The following ACTA2 variants were observed in gnomAD, a reference collection of about 807,000 sequenced individuals.
The protein encoded by ACTA2 is actin alpha 2, smooth muscle.
A neutral mutation model predicts 39.5 loss-of-function variants in ACTA2; 12 were observed. That is an observed-to-expected ratio of 0.30 (90% CI 0.19 to 0.49). The LOEUF (loss-of-function observed/expected upper bound fraction) is 0.49, where lower values mean the gene tolerates loss of function less well. ACTA2 is among the 20% of genes least tolerant of loss of function. ACTA2 has a pLI of 0.99. For synonymous variants in ACTA2, 158 were observed against 180.6 expected, an observed-to-expected ratio of 0.88 and a Z score of 1.00; for missense variants, 236 against 498.8, an observed-to-expected ratio of 0.47 and a Z score of 5.02.
At chr10:88,948,734 G>A in intron 2 of ACTA2, 68 bp downstream of exon 2, 1 of 1,601,168 alleles carries the variant, frequency 6.2e-7, no homozygotes, top group Non-Finnish European at 8.6e-7. Flanking sequence ...TAGACAATCT[G>A]GGGATAAACA....
At chr10:88,965,871 C>T (rs1846310049) in intron 1 of ACTA2, among the ~76,000 whole-genome samples, 1 of 152,090 alleles carries the variant, frequency 6.6e-6, no homozygotes, top group African/African-American at 2.4e-5. Context: ...TTGAGAGAGC[C>T]CTGCCAAAAA....
chr10:88,944,573 C>T (rs1845912578), intron 3 of ACTA2, among the ~76,000 whole-genome samples: 1 of 152,168 alleles, frequency 6.6e-6, no homozygotes, highest in African/African-American at 2.4e-5. Flanking sequence ...AAGAAGAGAA[C>T]AGGGCTCTCT....
At chr10:88,954,874 C>A (rs560419029), upstream of ACTA2, among the ~76,000 whole-genome samples, 10 of 152,132 alleles carry the variant, frequency 6.6e-5, no homozygotes, top group East Asian at 5.8e-4. Flanking sequence ...CCATCCAAGT[C>A]TCTTCAGTGA....
At chr10:88,962,012 C>A (rs1415779535) in intron 1 of ACTA2, among the ~76,000 whole-genome samples, 1 of 152,114 alleles carries the variant, frequency 6.6e-6, no homozygotes, top group African/African-American at 2.4e-5. Flanking sequence ...ATTCCAAAAT[C>A]TAAGACAAGT....
intron 1 of ACTA2, among the ~76,000 whole-genome samples, chr10:88,959,679 C>T (rs1846196208): frequency 6.6e-6 from 1 of 152,188 alleles, no homozygotes; most frequent in African/African-American, 2.4e-5. Flanking sequence ...GATATTTATA[C>T]ATTTTTAAGG....
At chr10:88,935,821 T>G (rs138005969) in intron 8 of ACTA2, among the ~76,000 whole-genome samples, 3 of 152,326 alleles carry the variant, frequency 2.0e-5, no homozygotes, top group Middle Eastern at 3.4e-3. Flanking sequence ...TGAAGTGAAC[T>G]ACCACTTTTC....
upstream of ACTA2, among the ~76,000 whole-genome samples, chr10:88,957,079 C>A (rs1846149386): frequency 1.3e-5 from 2 of 152,156 alleles, no homozygotes. Context: ...ATATTAAGAT[C>A]GTAGCAGACA....
At position 88,975,154 on chromosome 10, in the gene ACTA2, A is replaced by G. The variant is rs1589419584; in HGVS notation, c.-24+15785T>C. The G allele has an allele frequency of 1.2e-4, 5 of 43,012 alleles. No homozygotes were observed. In the East Asian group the frequency reaches 1.2e-3, roughly 10 times the overall value. The allele number at this position is 43,012 out of a possible 1,614,324, so 2.7% of individuals were successfully genotyped here. A position where few individuals can be genotyped will look rare whatever the true frequency, so the allele number is the denominator to read the frequency against. On this transcript the variant is annotated intron_variant, in intron 1 of 4. Transcript: ENST00000415557. ...TGAAACCAGAATGCTGTCAACGATT[A>G]AAAAAAAAAAAAACTCTCAAGCAAG...
chr10:88,942,061 C>A (rs1021154735), intron 4 of ACTA2, among the ~76,000 whole-genome samples, 192 bp from the exon 5 acceptor site: 4 of 152,134 alleles, frequency 2.6e-5, no homozygotes, highest in Admixed American at 1.3e-4. Context: ...GGAGCCATCA[C>A]ATCAATGGCC....
intron 1 of ACTA2, among the ~76,000 whole-genome samples, chr10:88,963,674 C>A (rs554516925): frequency 1.5e-4 from 23 of 152,236 alleles, no homozygotes; most frequent in African/African-American, 4.8e-4. Flanking sequence ...TTTTTGTCTG[C>A]AGCCAAATGC....
intron 3 of ACTA2, 154 bp downstream of exon 3, chr10:88,947,104 T>A (rs933810082): frequency 9.0e-7 from 1 of 1,115,420 alleles, no homozygotes; most frequent in Non-Finnish European, 1.3e-6. Flanking sequence ...GATTTTTTTT[T>A]CAATGGGTAA....
chr10:88,965,987 C>T (rs1399157672), intron 1 of ACTA2, among the ~76,000 whole-genome samples: 1 of 152,100 alleles, frequency 6.6e-6, no homozygotes, highest in Non-Finnish European at 1.5e-5. Flanking sequence ...TTTACGGAAC[C>T]ATGGTCAACA....
At chr10:88,939,456 T>G in intron 7 of ACTA2, 51 bp downstream of exon 7, 4 of 1,606,230 alleles carry the variant, frequency 2.5e-6, no homozygotes, top group Non-Finnish European at 3.4e-6. Context: ...TGGCTTGATA[T>G]GGAAGAAGAC....
intron 1 of ACTA2, among the ~76,000 whole-genome samples, chr10:88,978,633 G>A (rs1376896702): frequency 6.6e-6 from 1 of 152,110 alleles, no homozygotes; most frequent in African/African-American, 2.4e-5. Flanking sequence ...CATGCTGAGA[G>A]ATGGGTCTAG....
At chr10:88,935,490 G>T in intron 8 of ACTA2, 124 bp from the exon 9 acceptor site, 1 of 1,096,850 alleles carries the variant, frequency 9.1e-7, no homozygotes, top group Non-Finnish European at 1.4e-6. Flanking sequence ...ACACAGGCTT[G>T]TCTGTTAGAT....
chr10:88,959,023 T>A (rs1846185614), intron 1 of ACTA2, among the ~76,000 whole-genome samples: 1 of 152,180 alleles, frequency 6.6e-6, no homozygotes, highest in African/African-American at 2.4e-5. Flanking sequence ...ACAAGCCATT[T>A]ATACCAATGG....
chr10:88,948,578 A>G (rs531410852), intron 2 of ACTA2: 26 of 538,292 alleles, frequency 4.8e-5, no homozygotes, highest in South Asian at 2.8e-4. Flanking sequence ...GACAAAAAGG[A>G]CATGAAAAAG....
At chr10:88,962,498 C>T (rs982210927) in intron 1 of ACTA2, among the ~76,000 whole-genome samples, 2 of 152,150 alleles carry the variant, frequency 1.3e-5, no homozygotes, top group African/African-American at 4.8e-5. Context: ...GCCTGCCTTA[C>T]TTTGTTATCA....
intron 1 of ACTA2, among the ~76,000 whole-genome samples, chr10:88,965,044 T>C (rs575814175): frequency 6.6e-6 from 1 of 152,320 alleles, no homozygotes; most frequent in East Asian, 1.9e-4. Flanking sequence ...CCTTTTCTTC[T>C]TCTGCCAAAT....
Sources: allele counts gnomAD v4.1 joint callset (sites outside exome capture counted in the v4.1 genomes callset), GRCh38; gene constraint gnomAD v4.1.1; transcripts MANE v1.5; gene names NCBI Gene and HGNC (gene_info 2026-07-23, HGNC 2026-07-21).